Variants in TRPS1 observed in about 807,000 individuals in gnomAD.
TRPS1 encodes the protein zinc finger transcription factor Trps1.
Under a neutral mutation model 101.2 loss-of-function variants are expected in TRPS1, and 6 were observed. That is an observed-to-expected ratio of 0.06 (90% confidence interval 0.03 to 0.12). The LOEUF is 0.12. Ranked by LOEUF, TRPS1 falls within the 10% of genes least tolerant of loss-of-function variation. TRPS1 has a pLI of 1.00. For missense variants in TRPS1, 1,363 were observed against 1,567.0 expected (o/e 0.87, Z 2.20); for synonymous variants, 578 against 589.8 (o/e 0.98, Z 0.29).
intron 4 of TRPS1, among the ~76,000 whole-genome samples, chr8:115,591,743 C>T (rs146203537): frequency 1.3e-5 from 2 of 152,222 alleles, no homozygotes; most frequent in East Asian, 3.9e-4. Context: ...GTAAGTTTTC[C>T]GTGAGACCCA....
At chr8:115,549,193 A>G (rs1032178021) in intron 5 of TRPS1, among the ~76,000 whole-genome samples, 3 of 152,202 alleles carry the variant, frequency 2.0e-5, no homozygotes, top group African/African-American at 7.2e-5. Flanking sequence ...TCATTAAAAA[A>G]TTGAAATGTC....
intron 5 of TRPS1, among the ~76,000 whole-genome samples, chr8:115,435,998 T>TCACA (rs4027183): frequency 0.11 from 14,515 of 133,904 alleles, 843 homozygotes; most frequent in Middle Eastern, 0.19. Context: ...AAATGAGAAA[T>TCACA]CACACACACA....
intron 5 of TRPS1, among the ~76,000 whole-genome samples, chr8:115,440,802 G>T (rs1813574802): frequency 6.6e-6 from 1 of 152,190 alleles, no homozygotes; most frequent in African/African-American, 2.4e-5. Context: ...ATGCCTGAAA[G>T]TTACCTAGAT....
intron 5 of TRPS1, among the ~76,000 whole-genome samples, chr8:115,438,719 C>A (rs1813517514): frequency 6.6e-6 from 1 of 152,020 alleles, no homozygotes; most frequent in Non-Finnish European, 1.5e-5. Flanking sequence ...CATTTTCTGC[C>A]TCCCTCCCTC....
intron 5 of TRPS1, among the ~76,000 whole-genome samples, chr8:115,432,862 A>G (rs1813355809): frequency 6.6e-6 from 1 of 151,950 alleles, no homozygotes. Flanking sequence ...TGACATTGTG[A>G]ACAGCTGTGC....
Position 115,515,408 on chromosome 8 carries a change from T to C in TRPS1, c.2700+71593A>G, listed in dbSNP as rs947447638. ...ATTTTGCCATGAAATATAAATCAAA[T>C]GCCAAATCTCTTTTTCCTATGATTT... On this transcript the variant is annotated intron_variant, in intron 5 of 6. Transcript: ENST00000395715. The C allele has an allele frequency of 2.9e-5, 17 of 582,770 alleles. No homozygotes were observed. The Admixed American group carries it at 4.5e-4, about 16-fold the overall frequency. 36.1% of individuals were successfully genotyped at this position (582,770 alleles called of 1,614,324 possible). A position where few individuals can be genotyped will look rare whatever the true frequency, so the allele number is the denominator to read the frequency against.
At chr8:115,633,057 C>A (rs1818683778) in intron 1 of TRPS1, among the ~76,000 whole-genome samples, 1 of 152,016 alleles carries the variant, frequency 6.6e-6, no homozygotes, top group African/African-American at 2.4e-5. Context: ...GAAGAGAAAC[C>A]TTTGAGCTGC....
intron 1 of TRPS1, among the ~76,000 whole-genome samples, chr8:115,639,665 C>A (rs376601124): frequency 5.4e-4 from 74 of 138,308 alleles, no homozygotes; most frequent in Non-Finnish European, 5.1e-4. Context: ...CCAATCTCTA[C>A]AAAAAAAAAA....
At chr8:115,625,743 T>C (rs921354135) in intron 1 of TRPS1, among the ~76,000 whole-genome samples, 1 of 151,910 alleles carries the variant, frequency 6.6e-6, no homozygotes, top group Admixed American at 6.6e-5. Context: ...AATATGTGTG[T>C]GCATATATAT....
intron 5 of TRPS1, among the ~76,000 whole-genome samples, chr8:115,475,266 T>TTTTATA (rs1416101277): frequency 8.1e-5 from 10 of 124,004 alleles, no homozygotes; most frequent in African/African-American, 3.1e-4. Context: ...TGAATCACAG[T>TTTTATA]TATATATATA....
intron 5 of TRPS1, among the ~76,000 whole-genome samples, chr8:115,485,961 A>G (rs899916106): frequency 2.6e-5 from 4 of 152,140 alleles, no homozygotes; most frequent in Non-Finnish European, 4.4e-5. Context: ...AACTCCATAA[A>G]ATTATGCTCC....
chr8:115,638,967 A>C (rs939182565), intron 1 of TRPS1, among the ~76,000 whole-genome samples: 7 of 152,166 alleles, frequency 4.6e-5, no homozygotes, highest in African/African-American at 1.4e-4. Context: ...GGTAGCACAC[A>C]AAGTGGCCAC....
chr8:115,619,466 T>G lies in TRPS1; in HGVS notation c.632A>C (p.Asn211Thr), dbSNP rs761964966. The change falls in exon 3 of 7, where the codon AAT becomes ACT. Residue 211 changes from asparagine to threonine, a missense_variant. This residue lies in a region of TRPS1 where 1,020 missense variants were observed against 1,073.0 expected (regional missense o/e 0.95). Coordinates refer to ENST00000395715, the MANE Select transcript of TRPS1 (RefSeq NM_014112.5). ...QVPSDGGVRL[N>T]KSKTDLLVND... The stretch of plus-strand genomic sequence containing the variant: ...CACCAGTAAGTCAGTTTTGGATTTA[T>G]TCAGTCTTACACCCCCATCTGAAGG... 2 of 1,614,192 alleles carry G rather than the reference T, an allele frequency of 1.2e-6. No individual in the cohort carries two copies. Among genetic ancestry groups the G allele is most frequent in the East Asian group, 4.5e-5 (2 of 44,874 alleles).
At chr8:115,588,025 C>T (rs1817607094) in intron 4 of TRPS1, among the ~76,000 whole-genome samples, 1 of 152,200 alleles carries the variant, frequency 6.6e-6, no homozygotes, top group African/African-American at 2.4e-5. Context: ...TCATTTAAGT[C>T]ACTATTCTTA....
intron 5 of TRPS1, among the ~76,000 whole-genome samples, chr8:115,439,290 A>G (rs1813532592): frequency 6.6e-6 from 1 of 152,246 alleles, no homozygotes; most frequent in Non-Finnish European, 1.5e-5. Flanking sequence ...AGCTTGTGAA[A>G]CTGACATGGA....
intron 5 of TRPS1, among the ~76,000 whole-genome samples, chr8:115,434,261 T>C (rs987237003): frequency 2.0e-5 from 3 of 152,174 alleles, no homozygotes; most frequent in Non-Finnish European, 4.4e-5. Flanking sequence ...ATTAAAATAC[T>C]TGGCCTTATA....
chr8:115,470,006 A>T (rs1814426605), intron 5 of TRPS1, among the ~76,000 whole-genome samples: 1 of 152,226 alleles, frequency 6.6e-6, no homozygotes, highest in Non-Finnish European at 1.5e-5. Flanking sequence ...GGTCTTTGAC[A>T]GCTTGACTAT....
chr8:115,657,206 T>C (rs948516056), intron 1 of TRPS1, among the ~76,000 whole-genome samples: 2 of 152,110 alleles, frequency 1.3e-5, no homozygotes, highest in Admixed American at 1.3e-4. Flanking sequence ...AAACATTCAC[T>C]GTTATATTTT....
chr8:115,437,923 A>G (rs1447755259), intron 5 of TRPS1, among the ~76,000 whole-genome samples: 1 of 152,156 alleles, frequency 6.6e-6, no homozygotes. Flanking sequence ...CAGGAGTTTT[A>G]TTTTCCTCTA....
Sources: allele counts gnomAD v4.1 joint callset (sites outside exome capture counted in the v4.1 genomes callset), GRCh38; gene constraint gnomAD v4.1.1; regional missense constraint gnomAD v4.1.1; transcripts MANE v1.5; gene names NCBI Gene and HGNC (gene_info 2026-07-23, HGNC 2026-07-21).